The following RORA variants were observed in gnomAD, a reference collection of about 807,000 sequenced individuals.
RORA encodes nuclear receptor ROR-alpha.
Under a neutral mutation model 69.5 loss-of-function variants are expected in RORA, and 7 were observed. The observed-to-expected ratio is 0.10, with a 90% CI of 0.06 to 0.19. The LOEUF is 0.19. Among genes scored for constraint, RORA ranks in the 10% least tolerant of loss-of-function variants. The probability of loss-of-function intolerance (pLI) is 1.00; values close to 1 mark genes in which losing one functional copy is unlikely to be tolerated. For synonymous variants in RORA, 261 were observed against 240.8 expected, an observed-to-expected ratio of 1.08 and a Z score of -0.78; for missense variants, 457 against 663.0, an observed-to-expected ratio of 0.69 and a Z score of 3.41.
intron 2 of RORA, among the ~76,000 whole-genome samples, chr15:60,654,780 G>A (rs993993801): frequency 2.0e-5 from 3 of 152,144 alleles, no homozygotes; most frequent in Admixed American, 6.6e-5. Context: ...ACGATGCTAC[G>A]TCGCTGACTT....
intron 1 of RORA, among the ~76,000 whole-genome samples, chr15:60,923,508 G>T (rs942470744): frequency 6.6e-6 from 1 of 152,150 alleles, no homozygotes; most frequent in African/African-American, 2.4e-5. Context: ...CTAGGCCCCT[G>T]ACACTCAGAG....
chr15:60,654,974 G>T (rs533738006), intron 2 of RORA, among the ~76,000 whole-genome samples: 2 of 152,218 alleles, frequency 1.3e-5, no homozygotes, highest in East Asian at 3.9e-4. Context: ...TTTAAGTCCC[G>T]AGTTTGTGGT....
At chr15:60,839,401 C>T (rs1292964414) in intron 1 of RORA, among the ~76,000 whole-genome samples, 2 of 152,168 alleles carry the variant, frequency 1.3e-5, no homozygotes, top group Non-Finnish European at 2.9e-5. Flanking sequence ...TATCAAACCA[C>T]ACTAAAAATA....
At chr15:61,073,744 T>G (rs1361680036) in intron 1 of RORA, among the ~76,000 whole-genome samples, 3 of 152,226 alleles carry the variant, frequency 2.0e-5, no homozygotes, top group Non-Finnish European at 4.4e-5. Flanking sequence ...CGTCCATCTT[T>G]AGATGAGAGG....
intron 1 of RORA, among the ~76,000 whole-genome samples, chr15:60,928,058 C>A (rs1892268838): frequency 6.6e-6 from 1 of 152,182 alleles, no homozygotes. Context: ...TTCCTCCCAT[C>A]CTCCCATCTT....
At chr15:61,031,247 T>A (rs929768675) in intron 1 of RORA, among the ~76,000 whole-genome samples, 1 of 152,222 alleles carries the variant, frequency 6.6e-6, no homozygotes, top group African/African-American at 2.4e-5. Flanking sequence ...AATGGGATAC[T>A]TATGAAAGTG....
chr15:60,944,266 A>T (rs1195218923), intron 1 of RORA, among the ~76,000 whole-genome samples: 6 of 152,210 alleles, frequency 3.9e-5, no homozygotes, highest in Admixed American at 3.9e-4. Flanking sequence ...AGTATAATTT[A>T]AAAGCCCCAG....
rs372740032 is a variant in RORA, at chr15:60,503,646, A to G, written c.964T>C (p.Leu322=). ...GCTTCTGTAATTTTGATGGCACACA[A>G]TTGCCACATCACCTCCCGCTGCTGT... ...QNKQREVMWQ[L]CAIKITEAIQ... The change falls in exon 7 of 11, where the codon TTG becomes CTG. Residue 322 remains leucine, a synonymous_variant. Coordinates refer to ENST00000335670, the MANE Select transcript of RORA (RefSeq NM_134261.3). 6.2e-7 allele frequency: 1 copy of G among 1,614,014 alleles called. No individual in the cohort carries two copies. Among genetic ancestry groups the G allele is most frequent in the Admixed American group, 1.7e-5 (1 of 60,014 alleles).
chr15:61,156,741 A>G (rs1267048432), intron 1 of RORA, among the ~76,000 whole-genome samples: 1 of 152,246 alleles, frequency 6.6e-6, no homozygotes, highest in Non-Finnish European at 1.5e-5. Flanking sequence ...CCCCCATGTT[A>G]TAAGAGATGT....
chr15:60,592,511 AGCAGCTGCC>A lies in RORA; in HGVS notation c.197-60669_197-60661del, dbSNP rs908679761. 38 of 1,306,534 alleles carry A rather than the reference AGCAGCTGCC, an allele frequency of 2.9e-5. 1 individual carries two copies. The Admixed American group carries it at 1.3e-3, about 45-fold the overall frequency. The allele number at this position is 1,306,534 out of a possible 1,614,324, so 80.9% of individuals were successfully genotyped here. A position where few individuals can be genotyped will look rare whatever the true frequency, so the allele number is the denominator to read the frequency against. ...GCGCCGCCGCCGCCCGAGCCACAGC[AGCAGCTGCC>A]GCAGCTGCCCGCCCGCCGAGAGCCA... On this transcript the variant is annotated intron_variant, in intron 2 of 10. Coordinates refer to ENST00000335670, the MANE Select transcript of RORA (RefSeq NM_134261.3).
chr15:60,856,550 C>A (rs2073382770), intron 1 of RORA, among the ~76,000 whole-genome samples: 1 of 147,420 alleles, frequency 6.8e-6, no homozygotes, highest in Non-Finnish European at 1.5e-5. Flanking sequence ...ATTTACAAGA[C>A]AAAGATAAGT....
At chr15:60,571,862 CATA>C (rs1390642340) in intron 2 of RORA, among the ~76,000 whole-genome samples, 3 of 152,198 alleles carry the variant, frequency 2.0e-5, no homozygotes, top group Non-Finnish European at 4.4e-5. Flanking sequence ...TAGGCCAACA[CATA>C]AATTGACCTC....
chr15:61,122,079 G>C (rs1386283106), intron 1 of RORA, among the ~76,000 whole-genome samples: 2 of 152,174 alleles, frequency 1.3e-5, no homozygotes, highest in Non-Finnish European at 2.9e-5. Flanking sequence ...GGTATTTCTG[G>C]ATCACCTCTC....
chr15:60,785,907 C>A (rs1272872218), intron 1 of RORA, among the ~76,000 whole-genome samples: 1 of 152,238 alleles, frequency 6.6e-6, no homozygotes, highest in African/African-American at 2.4e-5. Flanking sequence ...AGACTGTATG[C>A]TCCGCACAAC....
At chr15:61,228,972 C>A in intron 1 of RORA, 81 bp downstream of exon 1, 1 of 711,436 alleles carries the variant, frequency 1.4e-6, no homozygotes, top group Non-Finnish European at 1.7e-6. Flanking sequence ...ACCCCGCGCC[C>A]CGGGCGCCCG....
intron 1 of RORA, among the ~76,000 whole-genome samples, chr15:60,928,748 G>A (rs1892288813): frequency 6.6e-6 from 1 of 152,102 alleles, no homozygotes; most frequent in Non-Finnish European, 1.5e-5. Flanking sequence ...TGTGCTGGGA[G>A]CTTCTGATGG....
At position 60,943,063 on chromosome 15, in the gene RORA, G is replaced by C. The variant is rs114371815; in HGVS notation, c.167-264377C>G. ...TGCTTCACCCAAATCAAGAAAGCTG[G>C]AGTCAGGGTACCTGTATCCATCTTT... On this transcript the variant is annotated intron_variant, in intron 1 of 10. Transcript: ENST00000335670. Among the ~76,000 whole-genome samples the C allele has an allele frequency of 7.8e-3, 1,193 of 152,334 alleles. 17 individuals are homozygous for C. The highest frequency in any genetic ancestry group is 0.027 in the African/African-American group (1,138 of 41,584).
intron 1 of RORA, among the ~76,000 whole-genome samples, chr15:60,730,912 CTTTTA>C (rs1048779336): frequency 2.0e-5 from 3 of 150,692 alleles, no homozygotes; most frequent in Non-Finnish European, 3.0e-5. Context: ...TTTAAACATA[CTTTTA>C]TTTTAAGTCC....
At chr15:60,505,090 T>C (rs966936490) in intron 6 of RORA, among the ~76,000 whole-genome samples, 1 of 152,226 alleles carries the variant, frequency 6.6e-6, no homozygotes, top group Non-Finnish European at 1.5e-5. Flanking sequence ...TTTTTTTGTA[T>C]ATACTCCCTA....
Sources: allele counts gnomAD v4.1 joint callset (sites outside exome capture counted in the v4.1 genomes callset), GRCh38; gene constraint gnomAD v4.1.1; transcripts MANE v1.5; gene names NCBI Gene and HGNC (gene_info 2026-07-23, HGNC 2026-07-21).